DCC: variants seen among roughly 807,000 people sequenced by gnomAD.
DCC encodes the protein DCC netrin 1 receptor, also known as netrin receptor DCC.
A neutral mutation model predicts 172.5 loss-of-function variants in DCC; 58 were observed. The observed-to-expected ratio is 0.34, with a 90% confidence interval of 0.27 to 0.42. DCC has a LOEUF of 0.42. Ranked by LOEUF, DCC falls within the 10% of genes least tolerant of loss-of-function variation. The pLI is 1.00. For missense variants in DCC, 1,740 were observed against 1,791.0 expected (o/e 0.97, Z 0.51); for synonymous variants, 709 against 644.5 (o/e 1.10, Z -1.52).
chr18:53,342,267 A>G (rs942339631), intron 15 of DCC, among the ~76,000 whole-genome samples: 13 of 152,012 alleles, frequency 8.6e-5, no homozygotes, highest in African/African-American at 3.1e-4. Flanking sequence ...ATTAAAAGCA[A>G]ACAAACAACT....
In DCC at chr18:52,576,027, T is replaced by C. The variant is rs997122842; in HGVS notation, c.92-176027T>C. On this transcript the variant is annotated intron_variant, in intron 1 of 28. Transcript: ENST00000442544. The stretch of plus-strand genomic sequence containing the variant: ...CTTCATCCTGAAGAGGAGATTGTTA[T>C]GGCGTCTACTGTTTACAAGTTTAAC... Among the ~76,000 whole-genome samples, 6 of 152,222 alleles carry C rather than the reference T, an allele frequency of 3.9e-5. No individual in the cohort carries two copies. The East Asian group carries it at 5.8e-4, about 15-fold the overall frequency.
At chr18:52,450,135 C>T (rs1371467468) in intron 1 of DCC, among the ~76,000 whole-genome samples, 1 of 152,076 alleles carries the variant, frequency 6.6e-6, no homozygotes, top group East Asian at 1.9e-4. Context: ...ATGAAACTGC[C>T]TTTGGTCCAT....
In DCC at chr18:53,334,178, T is replaced by A. The variant is rs1246315781; in HGVS notation, c.2165-5535T>A. On this transcript the variant is annotated intron_variant, in intron 14 of 28. Coordinates refer to ENST00000442544, the MANE Select transcript of DCC (RefSeq NM_005215.4). ...CAATTTTATGGTCTCCATGTTTCAT[T>A]CTATGCTTCCTCTCCAAACTTCTTT... Among the ~76,000 whole-genome samples, 18 of 152,296 alleles carry A rather than the reference T, an allele frequency of 1.2e-4. No individual in the cohort carries two copies. In the East Asian group the frequency reaches 3.5e-3, roughly 29 times the overall value.
At chr18:53,361,243 C>G (rs7231347) in intron 15 of DCC, among the ~76,000 whole-genome samples, 1 of 151,990 alleles carries the variant, frequency 6.6e-6, no homozygotes, top group African/African-American at 2.4e-5. Flanking sequence ...CAGTTTTGGA[C>G]GTTTGGACTT....
At chr18:52,356,878 G>T (rs1005893764) in intron 1 of DCC, among the ~76,000 whole-genome samples, 1 of 152,072 alleles carries the variant, frequency 6.6e-6, no homozygotes, top group African/African-American at 2.4e-5. Context: ...CACCTCCTGG[G>T]TTCAAGCAAT....
At chr18:53,431,278 CTT>C (rs58102356) in intron 21 of DCC, among the ~76,000 whole-genome samples, 59 of 96,230 alleles carry the variant, frequency 6.1e-4, no homozygotes, top group Non-Finnish European at 7.0e-4. Context: ...TTGGCAGAAG[CTT>C]TTTTTTTTTT....
intron 2 of DCC, among the ~76,000 whole-genome samples, chr18:52,843,855 G>A (rs938926131): frequency 1.3e-4 from 20 of 152,230 alleles, no homozygotes; most frequent in Middle Eastern, 6.8e-3. Flanking sequence ...CACCAGAAAA[G>A]AACAGGAAAT....
Position 53,100,831 on chromosome 18 carries a change from G to C in DCC, c.1261+34665G>C, listed in dbSNP as rs530150637. ...CCAAGGAAAGCTTGCAAAAAAAATGGGCAGAGGAATGGAGAGAGCCTGTTT... is the reference window on the plus strand; with the variant it reads ...CCAAGGAAAGCTTGCAAAAAAAATGCGCAGAGGAATGGAGAGAGCCTGTTT... On this transcript the variant is annotated intron_variant, in intron 7 of 28. Transcript: ENST00000442544. 6.9e-4 allele frequency among the ~76,000 whole-genome samples: 105 copies of C among 152,168 alleles called. 2 individuals carry two copies. The South Asian group carries it at 0.022, about 32-fold the overall frequency.
intron 26 of DCC, among the ~76,000 whole-genome samples, chr18:53,490,863 A>G (rs1346528430): frequency 6.6e-6 from 1 of 152,218 alleles, no homozygotes; most frequent in Non-Finnish European, 1.5e-5. Context: ...TCCACTTAAA[A>G]TATAAGAATT....
At chr18:53,066,569 T>TA (rs2042573938) in intron 7 of DCC, among the ~76,000 whole-genome samples, 1 of 150,798 alleles carries the variant, frequency 6.6e-6, no homozygotes, top group African/African-American at 2.4e-5. Context: ...CATTTAAATA[T>TA]AAAATATATA....
At chr18:53,283,070 A>T (rs1380196528) in intron 12 of DCC, among the ~76,000 whole-genome samples, 1 of 152,212 alleles carries the variant, frequency 6.6e-6, no homozygotes, top group Non-Finnish European at 1.5e-5. Context: ...CCTAATTATT[A>T]CAAAGTGAAT....
At chr18:52,607,843 G>A (rs1344785600) in intron 1 of DCC, among the ~76,000 whole-genome samples, 1 of 152,104 alleles carries the variant, frequency 6.6e-6, no homozygotes. Flanking sequence ...TTAGAGATCT[G>A]GGCTTCAGAG....
chr18:53,434,770 T>A (rs1024003507), intron 21 of DCC, among the ~76,000 whole-genome samples: 1 of 152,180 alleles, frequency 6.6e-6, no homozygotes, highest in Non-Finnish European at 1.5e-5. Flanking sequence ...TGACAGTATC[T>A]GCAGGACCTA....
At chr18:52,519,805 C>T (rs1367700288) in intron 1 of DCC, among the ~76,000 whole-genome samples, 1 of 152,128 alleles carries the variant, frequency 6.6e-6, no homozygotes, top group Non-Finnish European at 1.5e-5. Flanking sequence ...AGCTGCCTGA[C>T]AGTTGTGTGA....
chr18:53,499,641 A>C, intron 27 of DCC, 131 bp downstream of exon 27: 1 of 810,884 alleles, frequency 1.2e-6, no homozygotes. Flanking sequence ...CAGTGTGCTC[A>C]TTTTTGTTAC....
chr18:52,586,991 G>A (rs529805684), intron 1 of DCC, among the ~76,000 whole-genome samples: 23 of 152,288 alleles, frequency 1.5e-4, no homozygotes, highest in African/African-American at 5.1e-4. Flanking sequence ...ATGACAGTGG[G>A]TAAGGCATTC....
At chr18:53,524,813 ATGT>A (rs1208282306) in intron 27 of DCC, among the ~76,000 whole-genome samples, 1 of 152,072 alleles carries the variant, frequency 6.6e-6, no homozygotes, top group Non-Finnish European at 1.5e-5. Context: ...AGTTAGACAG[ATGT>A]TGGTGCAAAA....
intron 1 of DCC, among the ~76,000 whole-genome samples, chr18:52,634,999 G>A (rs1352025715): frequency 6.6e-6 from 1 of 152,082 alleles, no homozygotes; most frequent in Non-Finnish European, 1.5e-5. Context: ...TTATAAGATA[G>A]GGTCATGAAA....
chr18:53,297,130 C>T (rs1354274869), intron 12 of DCC, among the ~76,000 whole-genome samples: 1 of 146,418 alleles, frequency 6.8e-6, no homozygotes, highest in South Asian at 2.1e-4. Flanking sequence ...GCTTATCAAC[C>T]TCTTTTTTTC....
Sources: gnomAD v4.1 joint callset for allele counts (sites outside exome capture counted in the v4.1 genomes callset) on GRCh38, gnomAD v4.1.1 for gene constraint, MANE v1.5 for transcripts, NCBI Gene and HGNC (gene_info 2026-07-23, HGNC 2026-07-21) for gene names.